IQGAP2: variants seen among roughly 807,000 people sequenced by gnomAD.
The protein encoded by IQGAP2 is IQ motif containing GTPase activating protein 2, also known as ras GTPase-activating-like protein IQGAP2.
IQGAP2 carries 173 observed loss-of-function variants against 201.3 expected under a neutral mutation model. The observed-to-expected ratio is 0.86, with a 90% CI of 0.76 to 0.98. The LOEUF (loss-of-function observed/expected upper bound fraction) is 0.98. IQGAP2 is among the 50% of genes least tolerant of loss of function. The pLI is 0.00. For synonymous variants in IQGAP2, 675 were observed against 673.9 expected, an observed-to-expected ratio of 1.00 and a Z score of -0.03; for missense variants, 1,687 against 1,864.8, an observed-to-expected ratio of 0.90 and a Z score of 1.76.
At chr5:76,680,328 G>A (rs1003738527) in intron 28 of IQGAP2, among the ~76,000 whole-genome samples, 7 of 152,124 alleles carry the variant, frequency 4.6e-5, no homozygotes, top group Admixed American at 1.3e-4. Flanking sequence ...TATACAAAAA[G>A]TGAACTCAAA....
chr5:76,623,418 G>A (rs1171016051), intron 13 of IQGAP2: 4 of 615,170 alleles, frequency 6.5e-6, no homozygotes, highest in Admixed American at 6.1e-5. Context: ...TAATCCACTC[G>A]ATGCTTCAGT....
At chr5:76,425,827 A>G (rs545654610) in intron 1 of IQGAP2, among the ~76,000 whole-genome samples, 29 of 152,320 alleles carry the variant, frequency 1.9e-4, no homozygotes, top group African/African-American at 5.5e-4. Context: ...TCTGAGCTCC[A>G]TAACACCACT....
chr5:76,448,276 G>C (rs1194666749), intron 1 of IQGAP2, among the ~76,000 whole-genome samples: 1 of 152,216 alleles, frequency 6.6e-6, no homozygotes, highest in Non-Finnish European at 1.5e-5. Flanking sequence ...GGCTTTGTCT[G>C]TGTCTGTGGA....
chr5:76,683,228 GTTCC>G lies in IQGAP2; in HGVS notation c.3763+15_3763+18del, dbSNP rs1745459802. The stretch of plus-strand genomic sequence containing the variant: ...TGGAATCTTTTCTTGGTAAGAGCTT[GTTCC>G]TTCTACTTATCCCTTGGTTTTTGTT... On this transcript the variant is annotated intron_variant, in intron 29 of 35. Coordinates refer to ENST00000274364, the MANE Select transcript of IQGAP2 (RefSeq NM_006633.5). 1 of 1,593,200 alleles carries G rather than the reference GTTCC, an allele frequency of 6.3e-7. No individual in the cohort carries two copies. Among genetic ancestry groups the G allele is most frequent in the African/African-American group, 1.3e-5 (1 of 74,182 alleles).
At chr5:76,634,419 T>C (rs1264369463) in intron 15 of IQGAP2, among the ~76,000 whole-genome samples, 1 of 152,066 alleles carries the variant, frequency 6.6e-6, no homozygotes, top group Non-Finnish European at 1.5e-5. Flanking sequence ...CCAACATGCC[T>C]GGCTCATTTT....
rs1756970524 is a variant in IQGAP2 at position 76,496,753 on chromosome 5, C to CTTTCTTTCTTTCTTTCTTTCT, written c.146+35087_146+35107dup. ...TCTTTCTTTCTTTCTTTCTTTCTTT[C>CTTTCTTTCTTTCTTTCTTTCT]TTTCTTTCTTTCTTTCTTTCTTTCT... On this transcript the variant is annotated intron_variant, in intron 2 of 35. Coordinates refer to ENST00000274364, the MANE Select transcript of IQGAP2 (RefSeq NM_006633.5). 9.5e-4 allele frequency among the ~76,000 whole-genome samples: 62 copies of CTTTCTTTCTTTCTTTCTTTCT among 65,466 alleles called. 1 individual carries two copies. The highest frequency in any genetic ancestry group is 0.012 in the Middle Eastern group (2 of 172). 42.9% of individuals were successfully genotyped at this position (65,466 alleles called of 152,430 possible).
At position 76,659,641 on chromosome 5, in the gene IQGAP2, T is replaced by TA. The variant is rs547032349; in HGVS notation, c.2529+977dup. Among the ~76,000 whole-genome samples the TA allele has an allele frequency of 7.9e-5, 12 of 152,330 alleles. No individual in the cohort carries two copies. The South Asian group carries it at 2.5e-3, about 32-fold the overall frequency. ...ATTACAAACAGAATCTTGACCCACG[T>TA]AAATGACCAGTAAGACATTCAAAAG... On this transcript the variant is annotated intron_variant, in intron 21 of 35. Transcript: ENST00000274364.
chr5:76,509,984 C>CTTTTTTTTTTTTTTTTTTTTTTTT (rs11331690), intron 2 of IQGAP2, among the ~76,000 whole-genome samples: 1 of 138,054 alleles, frequency 7.2e-6, no homozygotes, highest in Non-Finnish European at 1.6e-5. Flanking sequence ...AATTTTCTTT[C>CTTTTTTTTTTTTTTTTTTTTTTTT]TTTTTTTTTT....
At chr5:76,605,735 A>AT (rs1237581391) in intron 11 of IQGAP2, among the ~76,000 whole-genome samples, 4 of 152,200 alleles carry the variant, frequency 2.6e-5, no homozygotes, top group African/African-American at 9.6e-5. Context: ...TAAAACTTAG[A>AT]TTTTGGAAGG....
chr5:76,493,467 C>A (rs1439605337), intron 2 of IQGAP2, among the ~76,000 whole-genome samples: 3 of 152,096 alleles, frequency 2.0e-5, no homozygotes, highest in African/African-American at 7.2e-5. Flanking sequence ...ACAATTGTAA[C>A]CTGTCCCCCA....
intron 3 of IQGAP2, among the ~76,000 whole-genome samples, chr5:76,563,154 C>T (rs1433286446): frequency 1.3e-5 from 2 of 152,062 alleles, no homozygotes; most frequent in African/African-American, 4.8e-5. Flanking sequence ...TGCTTGAGCC[C>T]AGGAGTTCAA....
chr5:76,679,786 C>G (rs1375514165), intron 28 of IQGAP2, among the ~76,000 whole-genome samples: 1 of 152,170 alleles, frequency 6.6e-6, no homozygotes, highest in Admixed American at 6.5e-5. Context: ...TGTATCACCT[C>G]TATTATTTAT....
chr5:76,592,458 T>C (rs985716832), intron 8 of IQGAP2, among the ~76,000 whole-genome samples: 6 of 152,224 alleles, frequency 3.9e-5, no homozygotes, highest in Non-Finnish European at 8.8e-5. Context: ...ATAGTACTTC[T>C]CTTATAGAAC....
At chr5:76,689,350 G>A (rs1345519945) in intron 30 of IQGAP2, among the ~76,000 whole-genome samples, 1 of 150,868 alleles carries the variant, frequency 6.6e-6, no homozygotes, top group African/African-American at 2.4e-5. Flanking sequence ...ATGGAACTCA[G>A]CAAGTTGCCT....
At chr5:76,485,133 A>G (rs1371508238) in intron 2 of IQGAP2, among the ~76,000 whole-genome samples, 2 of 151,906 alleles carry the variant, frequency 1.3e-5, no homozygotes, top group African/African-American at 4.8e-5. Flanking sequence ...TTTCAAAATC[A>G]TTTTCATACC....
At chr5:76,688,050 G>T (rs1745942887) in intron 30 of IQGAP2, among the ~76,000 whole-genome samples, 1 of 152,030 alleles carries the variant, frequency 6.6e-6, no homozygotes, top group African/African-American at 2.4e-5. Context: ...TGACTTTTTT[G>T]ATTTGAACAC....
rs549239274 is a variant in IQGAP2 at position 76,526,804 on chromosome 5, A to G, written c.147-35592A>G. 5.9e-5 allele frequency among the ~76,000 whole-genome samples: 9 copies of G among 152,336 alleles called. 1 individual carries two copies. Among genetic ancestry groups the G allele is most frequent in the African/African-American group, 1.9e-4 (8 of 41,578 alleles). ...CTACTCTATTAGATTAAGGTTTAAC[A>G]TGTGATAATAGTCTAGTTTTATTAC... On this transcript the variant is annotated intron_variant, in intron 2 of 35. Coordinates refer to ENST00000274364, the MANE Select transcript of IQGAP2 (RefSeq NM_006633.5).
chr5:76,609,022 G>A (rs1748039545), intron 12 of IQGAP2: 5 of 1,360,124 alleles, frequency 3.7e-6, no homozygotes, highest in Middle Eastern at 1.8e-4. Flanking sequence ...ATAAACAGAG[G>A]AAGTGATGCA....
intron 13 of IQGAP2, chr5:76,623,104 G>A: frequency 1.3e-6 from 2 of 1,507,338 alleles, no homozygotes; most frequent in Non-Finnish European, 1.8e-6. Flanking sequence ...CCTAGGTTCA[G>A]TTGACTCTTA....
Sources: gnomAD v4.1 joint callset for allele counts (sites outside exome capture counted in the v4.1 genomes callset) on GRCh38, gnomAD v4.1.1 for gene constraint, MANE v1.5 for transcripts, NCBI Gene and HGNC (gene_info 2026-07-23, HGNC 2026-07-21) for gene names.